RBPJ: variants seen among roughly 807,000 people sequenced by gnomAD.
The protein encoded by RBPJ is recombining binding protein suppressor of hairless.
Under a neutral mutation model 67.8 loss-of-function variants are expected in RBPJ, and 9 were observed. The observed-to-expected ratio is 0.13, with a 90% CI of 0.08 to 0.23. The LOEUF (loss-of-function observed/expected upper bound fraction) is 0.23, where lower values mean the gene tolerates loss of function less well. RBPJ is among the 10% of genes least tolerant of loss of function. RBPJ has a pLI of 1.00. For missense variants in RBPJ, 305 were observed against 595.6 expected (o/e 0.51, Z 5.08); for synonymous variants, 198 against 203.3 (o/e 0.97, Z 0.22).
chr4:26,383,349 A>G (rs551503393), intron 1 of RBPJ, among the ~76,000 whole-genome samples: 1 of 152,350 alleles, frequency 6.6e-6, no homozygotes, highest in Admixed American at 6.5e-5. Flanking sequence ...ATCTCTTACT[A>G]GCCATGTAAT....
the RBPJ span, among the ~76,000 whole-genome samples, chr4:26,134,288 C>T: frequency 6.6e-6 from 1 of 152,204 alleles, no homozygotes; most frequent in African/African-American, 2.4e-5. Flanking sequence ...CAAGTCTATC[C>T]TTTCTGCAGT....
chr4:26,240,188 A>G (rs1719590602), intron 1 of RBPJ, among the ~76,000 whole-genome samples: 1 of 152,226 alleles, frequency 6.6e-6, no homozygotes, highest in African/African-American at 2.4e-5. Flanking sequence ...CCAACATCGC[A>G]TGAGGCCTAC....
chr4:26,336,518 CGTGT>C (rs1478171900), intron 1 of RBPJ, among the ~76,000 whole-genome samples: 2 of 151,460 alleles, frequency 1.3e-5, no homozygotes, highest in Non-Finnish European at 2.9e-5. Context: ...ACAAGTGTTG[CGTGT>C]GTCTGTAGTC....
chr4:26,227,984 T>C (rs1247728186), intron 1 of RBPJ, among the ~76,000 whole-genome samples: 1 of 152,188 alleles, frequency 6.6e-6, no homozygotes, highest in East Asian at 1.9e-4. Flanking sequence ...GTCACCGTGA[T>C]GCGCAAGCCA....
intron 1 of RBPJ, among the ~76,000 whole-genome samples, chr4:26,376,736 T>A (rs1259034331): frequency 6.6e-6 from 1 of 152,212 alleles, no homozygotes; most frequent in African/African-American, 2.4e-5. Flanking sequence ...CATTTTACAT[T>A]CTCACTAGCT....
intron 1 of RBPJ, among the ~76,000 whole-genome samples, chr4:26,258,534 G>C (rs1335711907): frequency 6.6e-6 from 1 of 152,188 alleles, no homozygotes; most frequent in Non-Finnish European, 1.5e-5. Context: ...GGGTTCATTA[G>C]CTGTGGCCAT....
At chr4:26,122,581 C>T in the RBPJ span, among the ~76,000 whole-genome samples, 3 of 152,178 alleles carry the variant, frequency 2.0e-5, no homozygotes, top group Non-Finnish European at 4.4e-5. Flanking sequence ...TTTAAATTAA[C>T]ATTTCTTGGA....
Position 26,254,152 on chromosome 4 carries a change from C to T in RBPJ, c.-167+90538C>T, listed in dbSNP as rs1303777935. 1.3e-5 allele frequency among the ~76,000 whole-genome samples: 2 copies of T among 148,992 alleles called. 1 individual carries two copies. The highest frequency in any genetic ancestry group is 5.2e-5 in the African/African-American group (2 of 38,386). ...TTCTGCACCTAAACAAGGACAATAG[C>T]ATCCCAGCTGGTCTCCTGCTTCCAC... is the stretch of plus-strand genomic sequence containing the variant. On this transcript the variant is annotated intron_variant, in intron 1 of 4. Transcript: ENST00000512351.
At chr4:26,329,641 T>C (rs1724017146) in intron 1 of RBPJ, among the ~76,000 whole-genome samples, 1 of 152,092 alleles carries the variant, frequency 6.6e-6, no homozygotes, top group Admixed American at 6.5e-5. Context: ...ACGCTTGTAA[T>C]CCCAGCACTT....
chr4:26,379,188 G>GT (rs557489699), intron 1 of RBPJ, among the ~76,000 whole-genome samples: 194 of 149,706 alleles, frequency 1.3e-3, no homozygotes, highest in Middle Eastern at 3.4e-3. Flanking sequence ...TTTTGTTTTT[G>GT]TTTTTTTTTG....
At chr4:26,224,185 C>T (rs1444480849) in intron 1 of RBPJ, among the ~76,000 whole-genome samples, 2 of 152,126 alleles carry the variant, frequency 1.3e-5, no homozygotes, top group Non-Finnish European at 2.9e-5. Flanking sequence ...CTCCCCTTCC[C>T]CCTGTACTCC....
intron 1 of RBPJ, among the ~76,000 whole-genome samples, chr4:26,307,292 G>T (rs1268175503): frequency 2.0e-5 from 3 of 152,196 alleles, no homozygotes; most frequent in African/African-American, 7.2e-5. Flanking sequence ...CCTTTAACTA[G>T]AAAGCTGTTG....
intron 1 of RBPJ, among the ~76,000 whole-genome samples, chr4:26,379,364 T>A (rs1441639955): frequency 6.6e-6 from 1 of 152,154 alleles, no homozygotes; most frequent in East Asian, 1.9e-4. Flanking sequence ...TGTATTAGTT[T>A]GTTCTCACAC....
At chr4:26,192,516 G>A (rs1717603138) in intron 1 of RBPJ, among the ~76,000 whole-genome samples, 1 of 152,084 alleles carries the variant, frequency 6.6e-6, no homozygotes, top group Non-Finnish European at 1.5e-5. Context: ...GATTAAAATG[G>A]CCAGTATCTA....
intron 1 of RBPJ, among the ~76,000 whole-genome samples, chr4:26,245,829 C>T (rs1365367539): frequency 6.6e-6 from 1 of 152,114 alleles, no homozygotes; most frequent in African/African-American, 2.4e-5. Context: ...CTATTCTTTC[C>T]TCCTTGAATT....
chr4:26,301,636 C>T (rs995104712), intron 1 of RBPJ, among the ~76,000 whole-genome samples: 2 of 151,066 alleles, frequency 1.3e-5, no homozygotes, highest in African/African-American at 2.4e-5. Flanking sequence ...TACATGCATG[C>T]AGTAAATACA....
chr4:26,218,185 G>A (rs1291403636), intron 1 of RBPJ, among the ~76,000 whole-genome samples: 4 of 152,182 alleles, frequency 2.6e-5, no homozygotes, highest in Non-Finnish European at 4.4e-5. Context: ...GACCCTATGC[G>A]AAGGCAATCA....
At chr4:26,269,238 T>A (rs994917338) in intron 1 of RBPJ, among the ~76,000 whole-genome samples, 4 of 149,252 alleles carry the variant, frequency 2.7e-5, no homozygotes, top group African/African-American at 9.9e-5. Context: ...ATTTATTTTT[T>A]ATTATTTATT....
intron 4 of RBPJ, among the ~76,000 whole-genome samples, chr4:26,416,836 A>G (rs1734643586): frequency 6.6e-6 from 1 of 152,186 alleles, no homozygotes; most frequent in Non-Finnish European, 1.5e-5. Context: ...ACAGGTCTTA[A>G]TGTCAACCTC....
Sources: gnomAD v4.1 joint callset for allele counts (sites outside exome capture counted in the v4.1 genomes callset) on GRCh38, gnomAD v4.1.1 for gene constraint, MANE v1.5 for transcripts, NCBI Gene and HGNC (gene_info 2026-07-23, HGNC 2026-07-21) for gene names.